The following ZAN variants were observed in gnomAD, a reference collection of about 807,000 sequenced individuals.
ZAN encodes zonadhesin.
A neutral mutation model predicts 286.2 loss-of-function variants in ZAN; 260 were observed. The observed-to-expected ratio is 0.91, with a 90% CI of 0.82 to 1.01. The LOEUF (loss-of-function observed/expected upper bound fraction) is 1.01, where lower values mean the gene tolerates loss of function less well. Among genes scored for constraint, ZAN ranks in the 50% least tolerant of loss-of-function variants. The pLI is 0.00. For missense variants in ZAN, 3,410 were observed against 3,639.2 expected, an observed-to-expected ratio of 0.94 and a Z score of 1.62; for synonymous variants, 1,368 against 1,417.5, an observed-to-expected ratio of 0.97 and a Z score of 0.79.
rs113755167 is a variant in ZAN at position 100,757,764 on chromosome 7, A to C, written c.3310-438A>C. ...AGTGAGACTCCGTCTCAAAAAAAAAAAAAAAAACAAAAAAACAGACAGACA... is the reference window on the plus strand; with the variant it reads ...AGTGAGACTCCGTCTCAAAAAAAAACAAAAAAACAAAAAAACAGACAGACA... On this transcript the variant is annotated intron_variant, in intron 15 of 47. Transcript: ENST00000613979. 2.1e-3 allele frequency among the ~76,000 whole-genome samples: 304 copies of C among 146,928 alleles called. 1 individual carries two copies. Among genetic ancestry groups the C allele is most frequent in the Admixed American group, 5.3e-3 (77 of 14,600 alleles).
rs764426204 is a variant in ZAN, at chr7:100,775,602, G to T, written c.6027+27G>T. 2.5e-6 allele frequency: 4 copies of T among 1,611,490 alleles called. No homozygotes were observed. The African/African-American group carries it at 5.3e-5, about 22-fold the overall frequency. On this transcript the variant is annotated intron_variant, in intron 32 of 47. Transcript: ENST00000613979. Reference sequence around the variant, plus strand: ...TGAGCTGGGTGTGGTGACCGGGGCTGGGAGGGAGTGCTGGGGAGGGGACTC... The same window carrying T: ...TGAGCTGGGTGTGGTGACCGGGGCTTGGAGGGAGTGCTGGGGAGGGGACTC...
chr7:100,735,628 C>T lies in ZAN; in HGVS notation c.54-92C>T, dbSNP rs558376646. ...ACTGCATAAACACTGATCATCCTTA[C>T]GTGACCACTCAGAAAGCTCACAGTC... is the stretch of plus-strand genomic sequence containing the variant. On this transcript the variant is annotated intron_variant, in intron 2 of 47. Transcript: ENST00000613979. 9.0e-6 allele frequency: 9 copies of T among 998,744 alleles called. 1 individual carries two copies. Among genetic ancestry groups the T allele is most frequent in the African/African-American group, 1.7e-5 (1 of 59,810 alleles). The allele number at this position is 998,744 out of a possible 1,614,324, so 61.9% of individuals were successfully genotyped here.
At chr7:100,735,949 T>C (rs1278325126) in intron 3 of ZAN, among the ~76,000 whole-genome samples, 177 bp downstream of exon 3, 1 of 140,978 alleles carries the variant, frequency 7.1e-6, no homozygotes, top group African/African-American at 2.6e-5. Context: ...CCAACCTCAG[T>C]TCATGACCCC....
chr7:100,792,061 A>G lies in ZAN; in HGVS notation c.7625A>G (p.Asn2542Ser). ...TGTAGCCCGGAGCAGCTGGCGAGCAACAGCACCCAGGCCTGTAGGGTGCTG... is the reference window on the plus strand; with the variant it reads ...TGTAGCCCGGAGCAGCTGGCGAGCAGCAGCACCCAGGCCTGTAGGGTGCTG... The part of the protein sequence containing the change: ...SECSPEQLAS[N>S]STQACRVLAD... The change falls in exon 41 of 48, where the codon AAC becomes AGC. Residue 2542 changes from asparagine to serine, a missense_variant. Physicochemically the swap from Asn to Ser is conservative, Grantham distance 46. Coordinates refer to ENST00000613979, the MANE Select transcript of ZAN (RefSeq NM_003386.3). 1 of 1,613,200 alleles carries G rather than the reference A, an allele frequency of 6.2e-7. No homozygotes were observed. The highest frequency in any genetic ancestry group is 8.5e-7 in the Non-Finnish European group (1 of 1,179,762).
chr7:100,759,899 C>A lies in ZAN; in HGVS notation c.3696+54C>A, dbSNP rs559901569. The A allele has an allele frequency of 4.1e-5, 65 of 1,574,888 alleles. 1 individual carries two copies. Among genetic ancestry groups the A allele is most frequent in the Admixed American group, 1.2e-4 (7 of 57,292 alleles). On this transcript the variant is annotated intron_variant, in intron 18 of 47. Transcript: ENST00000613979. ...TGCAGGGTCTGACTGTGTGTCCTGGCCAACCCTTCCAATCCCTGAACCTTT... is the reference window on the plus strand; with the variant it reads ...TGCAGGGTCTGACTGTGTGTCCTGGACAACCCTTCCAATCCCTGAACCTTT...
At chr7:100,783,565 C>G (rs1180916897) in intron 35 of ZAN, among the ~76,000 whole-genome samples, 2 of 148,812 alleles carry the variant, frequency 1.3e-5, no homozygotes, top group Non-Finnish European at 3.0e-5. Context: ...GAAACCCCAT[C>G]TCTACTAAAA....
intron 34 of ZAN, among the ~76,000 whole-genome samples, chr7:100,777,146 T>G (rs1357831379): frequency 7.5e-6 from 1 of 134,184 alleles, no homozygotes; most frequent in Non-Finnish European, 1.6e-5. Context: ...CGGGCTCAAG[T>G]GATACTCCTG....
chr7:100,753,857 C>CAAAAAAAAA (rs1808964464), intron 14 of ZAN, among the ~76,000 whole-genome samples: 1 of 128,438 alleles, frequency 7.8e-6, no homozygotes. Flanking sequence ...AAAAAAAAAG[C>CAAAAAAAAA]AAAAGCAATT....
rs747572202 is a variant in ZAN at position 100,766,554 on chromosome 7, CAA to C, written c.4502_4503del (p.Lys1501ArgfsTer6). The C allele has an allele frequency of 1.0e-5, 16 of 1,551,832 alleles. No individual in the cohort carries two copies. In the South Asian group the frequency reaches 1.8e-4, roughly 17 times the overall value. On this transcript the variant is annotated frameshift_variant, in exon 24 of 48. Transcript: ENST00000613979. LOFTEE classifies it high-confidence loss of function. ...GGGAGCGGTGGTACAAGCCAGGCTG[CAA>C]AGAGTTGTGCGTCTGTGAAAGCAAC... Reference protein sequence around the residue: ...VGERWYKPGCKELCVCESNNR... With the variant: ...VGERWYKPGCXELCVCESNNR...
In ZAN at chr7:100,751,192, A is replaced by C; in HGVS notation, c.1532A>C (p.Lys511Thr). 1 of 1,606,182 alleles carries C rather than the reference A, an allele frequency of 6.2e-7. No homozygotes were observed. Among genetic ancestry groups the C allele is most frequent in the Non-Finnish European group, 8.5e-7 (1 of 1,177,214 alleles). Residue 511 changes from lysine (K) to threonine (T), a missense_variant, in exon 13 of 48, where the codon AAG becomes ACG. Coordinates refer to ENST00000613979, the MANE Select transcript of ZAN (RefSeq NM_003386.3). ...GHQQPMQLIFKGIQGSNTASV... is the reference protein window; with the variant it reads ...GHQQPMQLIFTGIQGSNTASV... ...CCTTGTCGCCTTTAGCTTATTTTCA[A>C]GGGCATCCAGGGAAGCAACACGGCC...
chr7:100,789,124 A>G, intron 38 of ZAN, 94 bp from the exon 39 acceptor site: 4 of 1,510,192 alleles, frequency 2.6e-6, no homozygotes, highest in Non-Finnish European at 3.6e-6. Flanking sequence ...ACGGAGACAT[A>G]TGGAGATGAC....
chr7:100,793,533 G>A (rs1812136324), intron 42 of ZAN, among the ~76,000 whole-genome samples: 1 of 151,838 alleles, frequency 6.6e-6, no homozygotes, highest in East Asian at 1.9e-4. Context: ...TCCGCCTCCT[G>A]GGTTCAAGCG....
Position 100,736,908 on chromosome 7 carries a change from A to C in ZAN, c.353A>C (p.His118Pro). 2.0e-6 allele frequency: 3 copies of C among 1,492,586 alleles called. 1 individual carries two copies. The highest frequency in any genetic ancestry group is 2.7e-6 in the Non-Finnish European group (3 of 1,092,354). The allele number at this position is 1,492,586 out of a possible 1,614,324, so 92.5% of individuals were successfully genotyped here. A position where few individuals can be genotyped will look rare whatever the true frequency, so the allele number is the denominator to read the frequency against. Residue 118 changes from histidine (H) to proline (P), a missense_variant, in exon 5 of 48, where the codon CAC (histidine) becomes CCC (proline). By Grantham distance (77) the His-to-Pro change is moderately conservative. This residue lies in a region of ZAN where 872 missense variants were observed against 938.9 expected (regional missense o/e 0.93). Coordinates refer to ENST00000613979, the MANE Select transcript of ZAN (RefSeq NM_003386.3). ...DLWEQGPLCV[H>P]FAHHMFGLSW... ...TGGGAGCAAGGCCCCCTCTGTGTGCACTTTGCCCACCACATGTTCGGGCTG... is the reference window on the plus strand; with the variant it reads ...TGGGAGCAAGGCCCCCTCTGTGTGCCCTTTGCCCACCACATGTTCGGGCTG...
At chr7:100,790,493 C>T (rs1404327505) in intron 39 of ZAN, among the ~76,000 whole-genome samples, 5 of 147,446 alleles carry the variant, frequency 3.4e-5, no homozygotes, top group Non-Finnish European at 3.0e-5. Context: ...ACCTGGGAGG[C>T]GGAGCTTGCA....
At chr7:100,795,803 G>A (rs1386875580) in intron 45 of ZAN, among the ~76,000 whole-genome samples, 2 of 151,980 alleles carry the variant, frequency 1.3e-5, no homozygotes, top group African/African-American at 2.4e-5. Context: ...CTACTCGGGA[G>A]GCTGAGGCAG....
At position 100,784,711 on chromosome 7, in the gene ZAN, C is replaced by T. The variant is rs377384170; in HGVS notation, c.6711C>T (p.Gly2237=). 16 of 1,613,768 alleles carry T rather than the reference C, an allele frequency of 9.9e-6. No homozygotes were observed. The highest frequency in any genetic ancestry group is 8.0e-5 in the African/African-American group (6 of 74,890). The change falls in exon 36 of 48, where the codon GGC becomes GGT. Residue 2237 remains glycine (G), a synonymous_variant. Coordinates refer to ENST00000613979, the MANE Select transcript of ZAN (RefSeq NM_003386.3). Reference sequence around the variant, plus strand: ...GGGACCTGGATGGCCGGTGTGAGGGCGCCAAAGTCCCCTCTGCCTGCGCTG... The same window carrying T: ...GGGACCTGGATGGCCGGTGTGAGGGTGCCAAAGTCCCCTCTGCCTGCGCTG... ...SCWDLDGRCE[G]AKVPSACAEG... is the part of the protein sequence containing the mutation.
intron 35 of ZAN, among the ~76,000 whole-genome samples, chr7:100,780,551 G>A (rs1418792421): frequency 6.6e-6 from 1 of 151,754 alleles, no homozygotes; most frequent in Non-Finnish European, 1.5e-5. Flanking sequence ...GTGCATGCCT[G>A]TGGTCCCAGC....
chr7:100,769,523 C>CTTCCTTTCCT (rs1204146192), intron 27 of ZAN, among the ~76,000 whole-genome samples: 9 of 144,840 alleles, frequency 6.2e-5, no homozygotes, highest in Non-Finnish European at 1.1e-4. Context: ...TTTCTTCCTT[C>CTTCCTTTCCT]TTCCTTTCCT....
chr7:100,792,946 A>C (rs1233978906), intron 42 of ZAN, among the ~76,000 whole-genome samples: 1 of 142,302 alleles, frequency 7.0e-6, no homozygotes, highest in East Asian at 2.0e-4. Flanking sequence ...GCACACCACC[A>C]CACTCCAGCC....
Sources: allele counts gnomAD v4.1 joint callset (sites outside exome capture counted in the v4.1 genomes callset), GRCh38; gene constraint gnomAD v4.1.1; regional missense constraint gnomAD v4.1.1; transcripts MANE v1.5; gene names NCBI Gene and HGNC (gene_info 2026-07-23, HGNC 2026-07-21).